The following CALN1 variants were observed in gnomAD, a reference collection of about 807,000 sequenced individuals.
The protein encoded by CALN1 is calcium-binding protein 8.
A neutral mutation model predicts 30.6 loss-of-function variants in CALN1; 17 were observed. The observed-to-expected ratio is 0.56, with a 90% CI of 0.38 to 0.83. CALN1 has a LOEUF of 0.83. Ranked by LOEUF, CALN1 falls within the 40% of genes least tolerant of loss-of-function variation. The probability of loss-of-function intolerance (pLI) is 0.00; values close to 1 mark genes in which losing one functional copy is unlikely to be tolerated. For missense variants in CALN1, 291 were observed against 354.9 expected (o/e 0.82, Z 1.45); for synonymous variants, 156 against 131.4 (o/e 1.19, Z -1.28).
the CALN1 span, among the ~76,000 whole-genome samples, chr7:72,458,148 T>C: frequency 7.4e-6 from 1 of 135,482 alleles, no homozygotes; most frequent in African/African-American, 2.7e-5. Context: ...ATATATTTAA[T>C]ATATTTATAT....
Position 71,783,997 on chromosome 7 carries a change from A to G in CALN1, c.*3778T>C, listed in dbSNP as rs1792855794. ...TGGGTTTGCCTAAGACCACACCTAAACCTCAGTTCACCAAAGTTCACGTGT... is the reference window on the plus strand; with the variant it reads ...TGGGTTTGCCTAAGACCACACCTAAGCCTCAGTTCACCAAAGTTCACGTGT... On this transcript the variant is annotated 3_prime_UTR_variant, in exon 7 of 7. Transcript: ENST00000395275. The G allele has an allele frequency of 6.6e-6, 1 of 152,160 alleles. No homozygotes were observed. Among genetic ancestry groups the G allele is most frequent in the Non-Finnish European group, 1.5e-5 (1 of 68,036 alleles). The allele number at this position is 152,160 out of a possible 1,614,324, so 9.4% of individuals were successfully genotyped here.
chr7:72,285,047 T>A (rs1381554744), intron 2 of CALN1, among the ~76,000 whole-genome samples: 1 of 152,112 alleles, frequency 6.6e-6, no homozygotes, highest in Non-Finnish European at 1.5e-5. Context: ...CTACTCAAAG[T>A]GTGGTCTATA....
chr7:72,238,569 A>T (rs540533573), intron 3 of CALN1, among the ~76,000 whole-genome samples: 1 of 151,192 alleles, frequency 6.6e-6, no homozygotes, highest in Non-Finnish European at 1.5e-5. Context: ...TAATCCCTAC[A>T]TGTCATGGGA....
intron 5 of CALN1, among the ~76,000 whole-genome samples, chr7:71,899,631 T>A (rs968522963): frequency 1.3e-5 from 2 of 152,208 alleles, no homozygotes; most frequent in Non-Finnish European, 2.9e-5. Flanking sequence ...ATCTTGATGA[T>A]ATTTATTTTG....
At chr7:72,148,254 T>A (rs1585040219) in intron 3 of CALN1, among the ~76,000 whole-genome samples, 1 of 134,938 alleles carries the variant, frequency 7.4e-6, no homozygotes. Flanking sequence ...TCACATCAAA[T>A]GTGGTTGTTT....
At chr7:72,200,737 T>C (rs1375864395) in intron 3 of CALN1, among the ~76,000 whole-genome samples, 2 of 152,084 alleles carry the variant, frequency 1.3e-5, no homozygotes, top group Non-Finnish European at 2.9e-5. Context: ...TGATGGCTGT[T>C]TTTCAAGTGC....
upstream of CALN1, among the ~76,000 whole-genome samples, chr7:72,447,826 C>G (rs1312195138): frequency 1.3e-5 from 2 of 151,856 alleles, no homozygotes; most frequent in East Asian, 3.9e-4. Context: ...TATGTACACA[C>G]ATACCCACCC....
chr7:72,064,723 T>C (rs2129537298), intron 4 of CALN1, among the ~76,000 whole-genome samples: 1 of 152,304 alleles, frequency 6.6e-6, no homozygotes, highest in East Asian at 1.9e-4. Flanking sequence ...ATTTTTTGAT[T>C]AGGGATGCAC....
chr7:72,334,231 C>A (rs1378275017), intron 2 of CALN1, among the ~76,000 whole-genome samples: 2 of 152,192 alleles, frequency 1.3e-5, no homozygotes, highest in Non-Finnish European at 2.9e-5. Flanking sequence ...ATTGGAATTT[C>A]TCTCGTAATG....
intron 5 of CALN1, among the ~76,000 whole-genome samples, chr7:71,846,400 G>A (rs1339300221): frequency 6.6e-6 from 1 of 152,132 alleles, no homozygotes; most frequent in African/African-American, 2.4e-5. Context: ...TTCTTCAGGA[G>A]GAAGAAAGGA....
At chr7:71,938,033 A>T (rs1262884109) in intron 5 of CALN1, among the ~76,000 whole-genome samples, 2 of 152,162 alleles carry the variant, frequency 1.3e-5, no homozygotes, top group Non-Finnish European at 2.9e-5. Context: ...TTTACGCAAC[A>T]TCTGGGTTGG....
At chr7:71,896,577 T>C (rs192365196) in intron 5 of CALN1, among the ~76,000 whole-genome samples, 712 of 152,294 alleles carry the variant, frequency 4.7e-3, no homozygotes, top group Non-Finnish European at 7.9e-3. Flanking sequence ...CCTGTGATGC[T>C]GGATTCACAG....
At chr7:72,329,205 G>A (rs867298699) in intron 2 of CALN1, among the ~76,000 whole-genome samples, 2 of 152,072 alleles carry the variant, frequency 1.3e-5, no homozygotes, top group African/African-American at 4.8e-5. Flanking sequence ...ACACTTAACT[G>A]GTACGTTAGA....
intron 3 of CALN1, among the ~76,000 whole-genome samples, chr7:72,262,040 G>C (rs570273457): frequency 7.2e-5 from 11 of 152,330 alleles, no homozygotes; most frequent in African/African-American, 2.6e-4. Context: ...TCCCGCTTTA[G>C]AGAGGAAGGC....
intron 5 of CALN1, among the ~76,000 whole-genome samples, chr7:71,881,651 C>T (rs1349626534): frequency 6.6e-6 from 1 of 152,136 alleles, no homozygotes; most frequent in Non-Finnish European, 1.5e-5. Context: ...ACAGCCTTAC[C>T]TAGGGTAAGG....
intron 3 of CALN1, among the ~76,000 whole-genome samples, chr7:72,170,676 C>T (rs1466004014): frequency 6.6e-6 from 1 of 152,194 alleles, no homozygotes; most frequent in East Asian, 1.9e-4. Context: ...TTTAGGTCAT[C>T]TGTCATTGTC....
intron 1 of CALN1, among the ~76,000 whole-genome samples, chr7:72,446,572 G>C (rs1002562204): frequency 6.6e-6 from 1 of 152,194 alleles, no homozygotes; most frequent in African/African-American, 2.4e-5. Flanking sequence ...GACTTACAGG[G>C]AAAGTTGTAT....
intron 4 of CALN1, among the ~76,000 whole-genome samples, chr7:72,098,477 G>C (rs1043255167): frequency 6.6e-6 from 1 of 152,086 alleles, no homozygotes; most frequent in Non-Finnish European, 1.5e-5. Flanking sequence ...GCTAAGGCTG[G>C]AGAATCCCTT....
chr7:72,065,277 G>C (rs1420548165), intron 4 of CALN1, among the ~76,000 whole-genome samples: 1 of 151,904 alleles, frequency 6.6e-6, no homozygotes, highest in African/African-American at 2.4e-5. Context: ...TGTACTGTTT[G>C]TTCATACTAC....
Sources: gnomAD v4.1 joint callset for allele counts (sites outside exome capture counted in the v4.1 genomes callset) on GRCh38, gnomAD v4.1.1 for gene constraint, MANE v1.5 for transcripts, NCBI Gene and HGNC (gene_info 2026-07-23, HGNC 2026-07-21) for gene names.